The following RAD51B variants were observed in gnomAD, a reference collection of about 807,000 sequenced individuals.
RAD51B encodes DNA repair protein RAD51 homolog 2.
A neutral mutation model predicts 42.2 loss-of-function variants in RAD51B; 38 were observed. The observed-to-expected ratio is 0.90, with a 90% CI of 0.70 to 1.18. The LOEUF (loss-of-function observed/expected upper bound fraction) is 1.18, where lower values mean the gene tolerates loss of function less well. RAD51B is among the 50% of genes most tolerant of loss of function. The probability of loss-of-function intolerance (pLI) is 0.00; values close to 1 mark genes in which losing one functional copy is unlikely to be tolerated. For missense variants in RAD51B, 373 were observed against 400.7 expected (o/e 0.93, Z 0.59); for synonymous variants, 154 against 145.2 (o/e 1.06, Z -0.43).
intron 8 of RAD51B, among the ~76,000 whole-genome samples, chr14:68,388,962 T>G (rs1439816415): frequency 3.9e-5 from 6 of 152,202 alleles, no homozygotes; most frequent in Admixed American, 2.0e-4. Context: ...AAATTTGTAT[T>G]TCTCTTCCCA....
At chr14:68,439,429 G>A (rs1176762582) in intron 9 of RAD51B, among the ~76,000 whole-genome samples, 4 of 152,172 alleles carry the variant, frequency 2.6e-5, no homozygotes, top group Non-Finnish European at 5.9e-5. Flanking sequence ...TAACACATTT[G>A]TAACTAATTC....
intron 8 of RAD51B, among the ~76,000 whole-genome samples, chr14:68,331,676 C>T (rs978058685): frequency 6.6e-6 from 1 of 152,138 alleles, no homozygotes; most frequent in Non-Finnish European, 1.5e-5. Context: ...AGTCATTTCC[C>T]CTTCATGGAG....
chr14:68,086,668 G>A (rs1011488110), intron 7 of RAD51B, among the ~76,000 whole-genome samples: 2 of 152,142 alleles, frequency 1.3e-5, no homozygotes, highest in South Asian at 2.1e-4. Context: ...ACTTGAGATG[G>A]GATGAATCCA....
intron 8 of RAD51B, among the ~76,000 whole-genome samples, chr14:68,343,209 G>A (rs1025914718): frequency 2.6e-5 from 4 of 151,906 alleles, no homozygotes; most frequent in Admixed American, 6.6e-5. Flanking sequence ...CACTATACTC[G>A]CCACACAATT....
At chr14:68,044,443 A>C (rs2076266850) in intron 7 of RAD51B, among the ~76,000 whole-genome samples, 1 of 152,160 alleles carries the variant, frequency 6.6e-6, no homozygotes, top group African/African-American at 2.4e-5. Flanking sequence ...TTAAAAGTCA[A>C]AACACAAGAT....
intron 10 of RAD51B, among the ~76,000 whole-genome samples, chr14:68,585,363 C>A: frequency 6.6e-6 from 1 of 152,230 alleles, no homozygotes; most frequent in South Asian, 2.1e-4. Context: ...TCCCCATTAT[C>A]CCTCGCATTT....
At chr14:67,847,499 C>T (rs2041660028) in intron 4 of RAD51B, among the ~76,000 whole-genome samples, 2 of 152,002 alleles carry the variant, frequency 1.3e-5, no homozygotes, top group South Asian at 4.1e-4. Flanking sequence ...TCATTAATAT[C>T]AAATAATTTT....
At chr14:67,948,281 G>T (rs17104793) in intron 7 of RAD51B, among the ~76,000 whole-genome samples, 10,803 of 152,212 alleles carry the variant, frequency 0.071, 950 homozygotes, top group African/African-American at 0.21. Flanking sequence ...TAAGTTCAGA[G>T]AGGAGACATT....
chr14:67,890,199 G>C (rs1030957011), intron 7 of RAD51B, among the ~76,000 whole-genome samples: 1 of 152,074 alleles, frequency 6.6e-6, no homozygotes, highest in Non-Finnish European at 1.5e-5. Context: ...TGTAAATTAT[G>C]TATCAGATTA....
At chr14:67,980,522 G>A (rs758455853) in intron 7 of RAD51B, among the ~76,000 whole-genome samples, 3 of 152,176 alleles carry the variant, frequency 2.0e-5, no homozygotes, top group Admixed American at 6.5e-5. Context: ...AGCAATCAAG[G>A]CAGGGTATTG....
intron 10 of RAD51B, among the ~76,000 whole-genome samples, chr14:68,644,581 C>T (rs1303934705): frequency 1.3e-5 from 2 of 152,214 alleles, no homozygotes; most frequent in Non-Finnish European, 2.9e-5. Flanking sequence ...AAAAACCACA[C>T]TGAATGTTGC....
At chr14:68,137,959 G>A (rs911911971) in intron 7 of RAD51B, among the ~76,000 whole-genome samples, 3 of 152,190 alleles carry the variant, frequency 2.0e-5, no homozygotes, top group Non-Finnish European at 4.4e-5. Flanking sequence ...AGGATTCTCT[G>A]TAGCAAGCTC....
intron 7 of RAD51B, among the ~76,000 whole-genome samples, chr14:68,029,408 G>C (rs2076005798): frequency 6.6e-6 from 1 of 152,206 alleles, no homozygotes; most frequent in Non-Finnish European, 1.5e-5. Context: ...AGTGTTCACA[G>C]CTTCTTCGCC....
At chr14:68,288,684 G>C (rs762083187) in intron 7 of RAD51B, among the ~76,000 whole-genome samples, 1 of 152,206 alleles carries the variant, frequency 6.6e-6, no homozygotes, top group Non-Finnish European at 1.5e-5. Flanking sequence ...CATTGAATTT[G>C]TAAGTTTCTG....
intron 8 of RAD51B, among the ~76,000 whole-genome samples, chr14:68,321,014 C>T (rs888113445): frequency 6.6e-6 from 1 of 152,168 alleles, no homozygotes; most frequent in African/African-American, 2.4e-5. Flanking sequence ...TAGAAACCTC[C>T]TCTTTTCTTT....
chr14:67,941,383 TC>T (rs1430929872), intron 7 of RAD51B, among the ~76,000 whole-genome samples: 2 of 152,318 alleles, frequency 1.3e-5, no homozygotes, highest in East Asian at 3.9e-4. Flanking sequence ...CTAATGGGTT[TC>T]CAGACATTCT....
In RAD51B at chr14:67,833,287, A is replaced by T. The variant is rs186772445; in HGVS notation, c.199-1793A>T. On this transcript the variant is annotated intron_variant, in intron 3 of 10. Coordinates refer to ENST00000471583, the MANE Select transcript of RAD51B (RefSeq NM_133510.4). ...GTTACTTGGGAGGCTGAGGCAGGAG[A>T]ATTGCTTGAACCCAGGAAGTGGAGG... 3.3e-5 allele frequency among the ~76,000 whole-genome samples: 5 copies of T among 152,218 alleles called. No homozygotes were observed. In the East Asian group the frequency reaches 9.6e-4, roughly 29 times the overall value.
chr14:68,537,516 C>G (rs1415223631), intron 10 of RAD51B, among the ~76,000 whole-genome samples: 1 of 151,490 alleles, frequency 6.6e-6, no homozygotes, highest in Non-Finnish European at 1.5e-5. Flanking sequence ...AAAAAGGAGC[C>G]ATGAATCACT....
intron 8 of RAD51B, among the ~76,000 whole-genome samples, chr14:68,301,572 G>T (rs1390842579): frequency 6.8e-6 from 1 of 147,468 alleles, no homozygotes; most frequent in Non-Finnish European, 1.5e-5. Context: ...TAGAATGTGA[G>T]GTTTTTTTTT....
Sources: gnomAD v4.1 joint callset for allele counts (sites outside exome capture counted in the v4.1 genomes callset) on GRCh38, gnomAD v4.1.1 for gene constraint, MANE v1.5 for transcripts, NCBI Gene and HGNC (gene_info 2026-07-23, HGNC 2026-07-21) for gene names.